Variants in OPCML observed in about 807,000 individuals in gnomAD.
OPCML encodes opioid binding protein/cell adhesion molecule like, also known as opioid-binding protein/cell adhesion molecule.
Under a neutral mutation model 37.8 loss-of-function variants are expected in OPCML, and 13 were observed. The observed-to-expected ratio is 0.34, with a 90% CI of 0.22 to 0.55. The LOEUF is 0.55. Ranked by LOEUF, OPCML falls within the 20% of genes least tolerant of loss-of-function variation. The pLI is 0.91. For synonymous variants in OPCML, 176 were observed against 168.8 expected (o/e 1.04, Z -0.33); for missense variants, 341 against 435.6 (o/e 0.78, Z 1.93).
At chr11:133,365,381 T>C (rs1944516676) in intron 1 of OPCML, 1 of 152,690 alleles carries the variant, frequency 6.5e-6, no homozygotes, top group Non-Finnish European at 1.5e-5. Context: ...CGAAGGACTG[T>C]TTCTGGTTTG....
intron 1 of OPCML, among the ~76,000 whole-genome samples, chr11:133,103,592 G>T (rs1472605057): frequency 6.6e-6 from 1 of 152,188 alleles, no homozygotes; most frequent in East Asian, 1.9e-4. Flanking sequence ...ACATAATTTT[G>T]CAGTAGACAT....
intron 1 of OPCML, among the ~76,000 whole-genome samples, chr11:133,283,029 G>C (rs1191084731): frequency 6.6e-6 from 1 of 152,144 alleles, no homozygotes; most frequent in Non-Finnish European, 1.5e-5. Context: ...AAGAAGATAA[G>C]TCTCAGATGA....
intron 3 of OPCML, among the ~76,000 whole-genome samples, chr11:132,639,590 A>G (rs1022827381): frequency 6.6e-6 from 1 of 152,192 alleles, no homozygotes; most frequent in Non-Finnish European, 1.5e-5. Context: ...TAAGACTGGC[A>G]CTTTACATAA....
intron 4 of OPCML, among the ~76,000 whole-genome samples, chr11:132,438,064 C>T (rs771818396): frequency 6.6e-5 from 10 of 152,226 alleles, no homozygotes; most frequent in Non-Finnish European, 1.2e-4. Context: ...TTTGGTGGAG[C>T]TCCCTGGAGG....
At chr11:132,857,204 GTTTAA>G (rs371963273) in intron 2 of OPCML, among the ~76,000 whole-genome samples, 68 of 152,270 alleles carry the variant, frequency 4.5e-4, no homozygotes, top group African/African-American at 1.6e-3. Context: ...TTCATAGCGA[GTTTAA>G]TTTGAGTTTT....
intron 3 of OPCML, among the ~76,000 whole-genome samples, chr11:132,642,232 T>C (rs1389372568): frequency 6.6e-6 from 1 of 152,204 alleles, no homozygotes; most frequent in Non-Finnish European, 1.5e-5. Context: ...CTTGCTGATA[T>C]TATTTCTCTT....
chr11:133,427,748 C>T (rs960654086), intron 1 of OPCML, among the ~76,000 whole-genome samples: 2 of 151,678 alleles, frequency 1.3e-5, no homozygotes, highest in African/African-American at 4.8e-5. Context: ...CACCGAAATA[C>T]ACCAATAATC....
At chr11:133,365,945 G>A (rs1330168603) in intron 1 of OPCML, 2 of 152,194 alleles carry the variant, frequency 1.3e-5, no homozygotes, top group African/African-American at 4.8e-5. Flanking sequence ...TGGAAATTAG[G>A]GAACATGGTT....
At chr11:133,530,459 G>T (rs992262161) in intron 1 of OPCML, among the ~76,000 whole-genome samples, 1 of 152,232 alleles carries the variant, frequency 6.6e-6, no homozygotes, top group South Asian at 2.1e-4. Flanking sequence ...GAGGGGAAGC[G>T]GGTATGAGGA....
intron 1 of OPCML, among the ~76,000 whole-genome samples, chr11:133,032,432 G>A (rs1947691704): frequency 1.3e-5 from 2 of 152,228 alleles, no homozygotes; most frequent in Admixed American, 6.5e-5. Context: ...AGCTCAGCAT[G>A]CTCATTCCCT....
At chr11:132,516,354 TACAG>T (rs1249352954) in intron 4 of OPCML, among the ~76,000 whole-genome samples, 1 of 152,198 alleles carries the variant, frequency 6.6e-6, no homozygotes, top group Non-Finnish European at 1.5e-5. Flanking sequence ...CCCTTCACTG[TACAG>T]ACAGAGTGCT....
intron 1 of OPCML, among the ~76,000 whole-genome samples, chr11:133,121,920 C>A (rs1359469059): frequency 6.6e-6 from 1 of 152,172 alleles, no homozygotes; most frequent in Non-Finnish European, 1.5e-5. Context: ...GGAAAGTGAT[C>A]ATTTATAATT....
intron 4 of OPCML, among the ~76,000 whole-genome samples, chr11:132,459,520 T>C (rs901258364): frequency 2.0e-5 from 3 of 148,362 alleles, no homozygotes; most frequent in Non-Finnish European, 4.5e-5. Flanking sequence ...TATATATATA[T>C]ATATACACAC....
intron 4 of OPCML, among the ~76,000 whole-genome samples, chr11:132,524,190 G>T (rs2096301957): frequency 6.6e-6 from 1 of 152,184 alleles, no homozygotes; most frequent in Non-Finnish European, 1.5e-5. Context: ...GCCTAGAAGA[G>T]CCTGCCAGTT....
At chr11:132,879,491 C>A (rs570582953) in intron 2 of OPCML, among the ~76,000 whole-genome samples, 84 of 152,290 alleles carry the variant, frequency 5.5e-4, no homozygotes, top group African/African-American at 2.0e-3. Context: ...TCAGACTTTG[C>A]AAGTTATTAG....
chr11:132,561,085 T>G (rs1025716447), intron 3 of OPCML, among the ~76,000 whole-genome samples: 1 of 152,178 alleles, frequency 6.6e-6, no homozygotes, highest in Non-Finnish European at 1.5e-5. Context: ...GGAAGTCAAT[T>G]TAGACTTCTC....
At chr11:133,508,586 T>G (rs1025340806) in intron 1 of OPCML, among the ~76,000 whole-genome samples, 13 of 152,320 alleles carry the variant, frequency 8.5e-5, no homozygotes, top group Middle Eastern at 3.4e-3. Flanking sequence ...AGGAATCATC[T>G]GGGCTGCCGC....
At chr11:132,587,869 C>G (rs1455670297) in intron 3 of OPCML, among the ~76,000 whole-genome samples, 3 of 152,040 alleles carry the variant, frequency 2.0e-5, no homozygotes, top group African/African-American at 7.2e-5. Flanking sequence ...GTACAGAGAC[C>G]AAAGAGTAGA....
chr11:133,478,229 T>C (rs1465715788), intron 1 of OPCML, among the ~76,000 whole-genome samples: 1 of 152,178 alleles, frequency 6.6e-6, no homozygotes, highest in Non-Finnish European at 1.5e-5. Context: ...TCAGCCTCTG[T>C]TGTGGCCTCC....
Sources: gnomAD v4.1 joint callset for allele counts (sites outside exome capture counted in the v4.1 genomes callset) on GRCh38, gnomAD v4.1.1 for gene constraint, MANE v1.5 for transcripts, NCBI Gene and HGNC (gene_info 2026-07-23, HGNC 2026-07-21) for gene names.